Variants in DOCK4 observed in about 807,000 individuals in gnomAD.
DOCK4 encodes the protein dedicator of cytokinesis 4.
In DOCK4, 97 loss-of-function variants were observed where a neutral mutation model predicts 268.1. The ratio of observed to expected loss-of-function variants is 0.36; its 90% CI spans 0.31 to 0.43. DOCK4 has a LOEUF of 0.43. Among genes scored for constraint, DOCK4 ranks in the 20% least tolerant of loss-of-function variants. The pLI, the probability that DOCK4 is intolerant of heterozygous loss-of-function variation, is 1.00. For synonymous variants in DOCK4, 954 were observed against 887.2 expected, an observed-to-expected ratio of 1.08 and a Z score of -1.34; for missense variants, 2,145 against 2,455.7, an observed-to-expected ratio of 0.87 and a Z score of 2.67.
intron 52 of DOCK4, 66 bp downstream of exon 52, chr7:111,732,160 G>C (rs990433292): frequency 1.1e-5 from 17 of 1,489,926 alleles, no homozygotes; most frequent in South Asian, 1.2e-5. Flanking sequence ...GATATATCTG[G>C]GATGAGTCTT....
intron 8 of DOCK4, among the ~76,000 whole-genome samples, chr7:111,964,680 G>A (rs1418646057): frequency 5.0e-5 from 6 of 120,056 alleles, no homozygotes; most frequent in African/African-American, 1.8e-4. Context: ...GCAGGCCAAC[G>A]TTCAGATTCA....
chr7:111,888,015 G>C (rs1354531554), intron 16 of DOCK4, among the ~76,000 whole-genome samples: 5 of 151,924 alleles, frequency 3.3e-5, no homozygotes, highest in African/African-American at 1.2e-4. Flanking sequence ...AGCACAAGAA[G>C]TTAAGGAAGT....
At chr7:111,876,950 T>C (rs1156915930) in intron 17 of DOCK4, 80 bp downstream of exon 17, 1 of 1,208,060 alleles carries the variant, frequency 8.3e-7, no homozygotes, top group Non-Finnish European at 1.1e-6. Flanking sequence ...AACTATCACT[T>C]TGGTGTTTAC....
chr7:111,769,520 G>A lies in DOCK4; in HGVS notation c.3828+9C>T. On this transcript the variant is annotated intron_variant, in intron 37 of 52. Coordinates refer to ENST00000428084, the MANE Select transcript of DOCK4 (RefSeq NM_001363540.2). Reference sequence around the variant, plus strand: ...CAGGAGGGACCCCGGGCGGGGCAGGGCCACTTACTTTGCCTCTGTCAAAGT... The same window carrying A: ...CAGGAGGGACCCCGGGCGGGGCAGGACCACTTACTTTGCCTCTGTCAAAGT... The A allele has an allele frequency of 6.8e-6, 11 of 1,613,266 alleles. No homozygotes were observed. The highest frequency in any genetic ancestry group is 9.3e-6 in the Non-Finnish European group (11 of 1,179,688).
At chr7:111,775,536 C>T (rs1563487128) in intron 36 of DOCK4, among the ~76,000 whole-genome samples, 1 of 152,198 alleles carries the variant, frequency 6.6e-6, no homozygotes, top group Non-Finnish European at 1.5e-5. Context: ...AATGACCATA[C>T]CACAGTTAAT....
intron 5 of DOCK4, 23 bp downstream of exon 5, chr7:111,994,112 G>T: frequency 1.4e-6 from 2 of 1,465,140 alleles, no homozygotes; most frequent in Non-Finnish European, 9.4e-7. Flanking sequence ...CCGAAAAATC[G>T]TGTCATTAAA....
chr7:112,126,289 C>CT (rs1013350373), intron 1 of DOCK4, among the ~76,000 whole-genome samples: 2 of 152,176 alleles, frequency 1.3e-5, no homozygotes, highest in African/African-American at 4.8e-5. Context: ...ATTTATCATG[C>CT]TTAGTCCTCA....
chr7:111,935,667 C>A, intron 11 of DOCK4, 39 bp from the exon 12 acceptor site: 1 of 1,541,964 alleles, frequency 6.5e-7, no homozygotes, highest in Non-Finnish European at 9.0e-7. Context: ...TTTAATGATG[C>A]ATGCAGTCAA....
chr7:112,189,237 T>C (rs1041991150), intron 1 of DOCK4, among the ~76,000 whole-genome samples: 2 of 152,290 alleles, frequency 1.3e-5, no homozygotes, highest in African/African-American at 4.8e-5. Context: ...GTTTTGTTTC[T>C]GTCTTTTGAT....
chr7:111,820,611 CAGAG>C (rs1801901543), intron 27 of DOCK4: 1 of 152,148 alleles, frequency 6.6e-6, no homozygotes, highest in South Asian at 2.1e-4. Context: ...AACGATGGGG[CAGAG>C]AGAGGCAGTA....
intron 1 of DOCK4, among the ~76,000 whole-genome samples, chr7:112,104,296 A>G (rs1326035013): frequency 6.6e-6 from 1 of 152,196 alleles, no homozygotes; most frequent in African/African-American, 2.4e-5. Context: ...TGGAATATGA[A>G]TCATACCATT....
intron 1 of DOCK4, among the ~76,000 whole-genome samples, chr7:112,168,422 A>C (rs1261135069): frequency 1.3e-5 from 2 of 152,202 alleles, no homozygotes; most frequent in African/African-American, 2.4e-5. Flanking sequence ...TTCCTTTAAA[A>C]ACACAGTTAA....
At chr7:112,023,592 A>AT (rs1554417058) in intron 1 of DOCK4, 2 of 443,466 alleles carry the variant, frequency 4.5e-6, no homozygotes, top group African/African-American at 2.0e-5. Flanking sequence ...CCTTTCTACT[A>AT]TTTTTTAAAT....
At chr7:111,735,235 A>G in intron 50 of DOCK4, 68 bp from the exon 51 acceptor site, 2 of 1,068,394 alleles carry the variant, frequency 1.9e-6, no homozygotes, top group Non-Finnish European at 2.6e-6. Flanking sequence ...GAGATCTTAG[A>G]AGAAAGTCAG....
At position 111,769,538 on chromosome 7, in the gene DOCK4, G is replaced by A. The variant is rs766401402; in HGVS notation, c.3819C>T (p.Asp1273=). 3.7e-6 allele frequency: 6 copies of A among 1,613,700 alleles called. No homozygotes were observed. The highest frequency in any genetic ancestry group is 3.3e-5 in the South Asian group (3 of 91,066). ...HLHLTIIQNF[D]RGKCWENGII... Reference sequence around the variant, plus strand: ...GGGCAGGGCCACTTACTTTGCCTCTGTCAAAGTTCTGGATGATGGTGAGGT... The same window carrying A: ...GGGCAGGGCCACTTACTTTGCCTCTATCAAAGTTCTGGATGATGGTGAGGT... Residue 1273 remains aspartate (D), a synonymous_variant, in exon 37 of 53, where the codon GAC becomes GAT. Transcript: ENST00000428084.
intron 1 of DOCK4, among the ~76,000 whole-genome samples, chr7:112,191,044 C>T (rs531287562): frequency 6.6e-6 from 1 of 152,256 alleles, no homozygotes; most frequent in Admixed American, 6.5e-5. Context: ...AGCCCCCTAC[C>T]TTCTAGGCAT....
intron 16 of DOCK4, among the ~76,000 whole-genome samples, chr7:111,892,525 C>A (rs1024179974): frequency 6.6e-6 from 1 of 152,148 alleles, no homozygotes; most frequent in African/African-American, 2.4e-5. Context: ...TACATTCAAT[C>A]TGGAATGTGT....
At chr7:112,039,655 T>C (rs1306958071) in intron 1 of DOCK4, among the ~76,000 whole-genome samples, 1 of 152,100 alleles carries the variant, frequency 6.6e-6, no homozygotes, top group Admixed American at 6.6e-5. Flanking sequence ...CATCTCCTGT[T>C]TGGACAGAAC....
chr7:112,189,555 C>A (rs759828246), intron 1 of DOCK4, among the ~76,000 whole-genome samples: 8 of 152,110 alleles, frequency 5.3e-5, no homozygotes, highest in Non-Finnish European at 1.2e-4. Context: ...TATACCTACA[C>A]ACACTGACTC....
Sources: gnomAD v4.1 joint callset for allele counts (sites outside exome capture counted in the v4.1 genomes callset) on GRCh38, gnomAD v4.1.1 for gene constraint, MANE v1.5 for transcripts, NCBI Gene and HGNC (gene_info 2026-07-23, HGNC 2026-07-21) for gene names.